RUNDC3B: variants seen among roughly 807,000 people sequenced by gnomAD.
The protein encoded by RUNDC3B is RUN domain containing 3B.
Under a neutral mutation model 58.4 loss-of-function variants are expected in RUNDC3B, and 33 were observed. The ratio of observed to expected loss-of-function variants is 0.56; its 90% CI spans 0.43 to 0.75. The LOEUF (loss-of-function observed/expected upper bound fraction) is 0.75, where lower values mean the gene tolerates loss of function less well. Among genes scored for constraint, RUNDC3B ranks in the 30% least tolerant of loss-of-function variants. The pLI, the probability that RUNDC3B is intolerant of heterozygous loss-of-function variation, is 0.00. For missense variants in RUNDC3B, 501 were observed against 535.7 expected (o/e 0.94, Z 0.64); for synonymous variants, 193 against 195.2 (o/e 0.99, Z 0.10).
At chr7:87,766,978 A>G (rs1414570318) in intron 6 of RUNDC3B, among the ~76,000 whole-genome samples, 3 of 152,158 alleles carry the variant, frequency 2.0e-5, no homozygotes, top group Non-Finnish European at 2.9e-5. Context: ...GTTAATTAGA[A>G]AAATCAATCT....
intron 2 of RUNDC3B, among the ~76,000 whole-genome samples, chr7:87,692,083 C>G (rs1364026201): frequency 2.0e-5 from 3 of 151,984 alleles, no homozygotes; most frequent in African/African-American, 7.3e-5. Context: ...GAAAATTTTC[C>G]CATGGTCTTT....
At chr7:87,757,198 G>A (rs1341685396) in intron 6 of RUNDC3B, among the ~76,000 whole-genome samples, 1 of 151,980 alleles carries the variant, frequency 6.6e-6, no homozygotes, top group Non-Finnish European at 1.5e-5. Context: ...TTTTGGTAGT[G>A]ACTTCATTGT....
chr7:87,705,135 G>A (rs1447386073), intron 3 of RUNDC3B, among the ~76,000 whole-genome samples: 1 of 151,968 alleles, frequency 6.6e-6, no homozygotes, highest in African/African-American at 2.4e-5. Flanking sequence ...TCTAGGTTAA[G>A]ATCAATGGGC....
intron 9 of RUNDC3B, among the ~76,000 whole-genome samples, chr7:87,810,540 C>T (rs1045299723): frequency 6.6e-6 from 1 of 152,066 alleles, no homozygotes; most frequent in Non-Finnish European, 1.5e-5. Flanking sequence ...CTAATGGCCT[C>T]CTGTTTGTTT....
At chr7:87,738,654 G>A (rs1380382101) in intron 4 of RUNDC3B, among the ~76,000 whole-genome samples, 1 of 151,894 alleles carries the variant, frequency 6.6e-6, no homozygotes, top group Non-Finnish European at 1.5e-5. Context: ...GAAGAATTGG[G>A]TAGCCTTCTT....
At chr7:87,753,237 G>T (rs1332998253) in intron 6 of RUNDC3B, among the ~76,000 whole-genome samples, 2 of 151,248 alleles carry the variant, frequency 1.3e-5, no homozygotes, top group South Asian at 4.2e-4. Context: ...TGGTCTGAGA[G>T]ATAGTTTGTT....
At chr7:87,687,852 C>T (rs1253652644) in intron 2 of RUNDC3B, among the ~76,000 whole-genome samples, 1 of 152,146 alleles carries the variant, frequency 6.6e-6, no homozygotes. Context: ...ATGAGGCCAT[C>T]TTTTGAAGTA....
At chr7:87,782,835 G>C (rs1042040490) in intron 8 of RUNDC3B, among the ~76,000 whole-genome samples, 17 of 152,030 alleles carry the variant, frequency 1.1e-4, no homozygotes, top group Non-Finnish European at 1.6e-4. Flanking sequence ...TATATGCTTG[G>C]TATGATTTCA....
chr7:87,830,265 T>TAA lies in RUNDC3B; in HGVS notation c.*235_*236insAA. On this transcript the variant is annotated 3_prime_UTR_variant, in exon 11 of 11. Transcript: ENST00000394654. ...GAGAAAGTTCAAAATGGAATAGGCT[T>TAA]TAAAAAAAAAAAAACTTTCAAAGAT... The TAA allele has an allele frequency of 3.3e-6, 1 of 306,018 alleles. No individual in the cohort carries two copies. The highest frequency in any genetic ancestry group is 5.3e-5 in the East Asian group (1 of 18,912). The allele number at this position is 306,018 out of a possible 1,614,324, so 19.0% of individuals were successfully genotyped here.
intron 4 of RUNDC3B, among the ~76,000 whole-genome samples, chr7:87,733,006 G>A (rs893143236): frequency 8.5e-5 from 13 of 152,310 alleles, no homozygotes; most frequent in African/African-American, 2.6e-4. Context: ...GAAACAGGAT[G>A]TGAAGCTAGA....
At chr7:87,700,598 G>C in intron 3 of RUNDC3B, 44 bp downstream of exon 3, 1 of 1,559,968 alleles carries the variant, frequency 6.4e-7, no homozygotes, top group Non-Finnish European at 8.7e-7. Context: ...TTTTTTCATT[G>C]CATGTATTTG....
intron 6 of RUNDC3B, among the ~76,000 whole-genome samples, chr7:87,759,729 T>C (rs1482310616): frequency 2.8e-5 from 4 of 143,450 alleles, no homozygotes; most frequent in Admixed American, 6.8e-5. Flanking sequence ...GCTCAGGAGT[T>C]TGAGGCATGA....
intron 8 of RUNDC3B, among the ~76,000 whole-genome samples, chr7:87,787,146 T>C (rs1213080862): frequency 6.6e-6 from 1 of 152,196 alleles, no homozygotes; most frequent in East Asian, 1.9e-4. Flanking sequence ...TTTGTGAATG[T>C]TCACAATTCA....
chr7:87,799,156 A>G (rs1325212967), intron 8 of RUNDC3B, among the ~76,000 whole-genome samples: 1 of 152,236 alleles, frequency 6.6e-6, no homozygotes, highest in East Asian at 1.9e-4. Context: ...TGTTTTATTA[A>G]CAGATATTTA....
intron 1 of RUNDC3B, 94 bp downstream of exon 1, chr7:87,629,039 G>A: frequency 4.2e-6 from 5 of 1,178,590 alleles, no homozygotes; most frequent in Non-Finnish European, 5.4e-6. Context: ...GGCATGATGG[G>A]CTGCCGCCCA....
At chr7:87,754,116 C>T (rs1009359370) in intron 6 of RUNDC3B, among the ~76,000 whole-genome samples, 10 of 152,150 alleles carry the variant, frequency 6.6e-5, no homozygotes, top group Non-Finnish European at 1.3e-4. Flanking sequence ...GAACTTTCCA[C>T]CTCCAAATAA....
At chr7:87,731,021 T>C (rs562941249) in intron 4 of RUNDC3B, among the ~76,000 whole-genome samples, 1 of 152,288 alleles carries the variant, frequency 6.6e-6, no homozygotes, top group South Asian at 2.1e-4. Context: ...CATGGGGTGC[T>C]TCCTGATGCC....
chr7:87,703,914 G>GTTTTTTTTTTTTTTTTTTTTTTTTTTTT (rs35797972), intron 3 of RUNDC3B, among the ~76,000 whole-genome samples: 4 of 42,970 alleles, frequency 9.3e-5, no homozygotes, highest in African/African-American at 1.9e-4. Flanking sequence ...TTTTTTTTTG[G>GTTTTTTTTTTTTTTTTTTTTTTTTTTTT]TTTTTTTTTT....
At chr7:87,772,673 A>G (rs1257232804) in intron 7 of RUNDC3B, among the ~76,000 whole-genome samples, 1 of 152,148 alleles carries the variant, frequency 6.6e-6, no homozygotes. Flanking sequence ...GAAATAAGGA[A>G]AGCTTGATCG....
Sources: allele counts gnomAD v4.1 joint callset (sites outside exome capture counted in the v4.1 genomes callset), GRCh38; gene constraint gnomAD v4.1.1; transcripts MANE v1.5; gene names NCBI Gene and HGNC (gene_info 2026-07-23, HGNC 2026-07-21).